The following MAPK8IP3 variants were observed in gnomAD, a reference collection of about 807,000 sequenced individuals.
MAPK8IP3 encodes the protein mitogen-activated protein kinase 8 interacting protein 3, also known as C-Jun-amino-terminal kinase-interacting protein 3.
A neutral mutation model predicts 157.8 loss-of-function variants in MAPK8IP3; 49 were observed. That is an observed-to-expected ratio of 0.31 (90% CI 0.25 to 0.39). MAPK8IP3 has a LOEUF of 0.39. MAPK8IP3 is among the 10% of genes least tolerant of loss of function. The pLI, the probability that MAPK8IP3 is intolerant of heterozygous loss-of-function variation, is 1.00. For missense variants in MAPK8IP3, 1,478 were observed against 1,889.4 expected, an observed-to-expected ratio of 0.78 and a Z score of 4.04; for synonymous variants, 897 against 777.7, an observed-to-expected ratio of 1.15 and a Z score of -2.55.
chr16:1,744,622 G>A (rs1412176953), intron 5 of MAPK8IP3: 7 of 985,472 alleles, frequency 7.1e-6, no homozygotes, highest in Non-Finnish European at 8.4e-6. Flanking sequence ...CCCGGGCCTG[G>A]AGCTGGGACC....
rs927142833 is a variant in MAPK8IP3, at chr16:1,742,053, A to G, written c.603-1279A>G. ...CTGAGGAAGCTCCCTTCCCTCCTAC[A>G]GTCTCAGGGCTGAGATGTAAGCAGC... is the stretch of plus-strand genomic sequence containing the variant. On this transcript the variant is annotated intron_variant, in intron 4 of 31. Transcript: ENST00000610761. The surrounding 1 kb of genome is among the most constrained non-coding windows in gnomAD (Gnocchi z 5.0). Among the ~76,000 whole-genome samples the G allele has an allele frequency of 3.3e-5, 5 of 152,080 alleles. No homozygotes were observed. The highest frequency in any genetic ancestry group is 1.2e-4 in the African/African-American group (5 of 41,392).
chr16:1,737,720 G>A (rs544330117), intron 4 of MAPK8IP3, among the ~76,000 whole-genome samples: 4 of 83,098 alleles, frequency 4.8e-5, no homozygotes, highest in East Asian at 4.9e-4. Context: ...CTGTGTGACC[G>A]TCCGTGTGAG....
chr16:1,753,929 T>C (rs916877237), intron 8 of MAPK8IP3, among the ~76,000 whole-genome samples: 1 of 151,464 alleles, frequency 6.6e-6, no homozygotes, highest in African/African-American at 2.4e-5. Context: ...ATCCCAGCAC[T>C]CTGGGAGGCC....
In MAPK8IP3 at chr16:1,766,289, C is replaced by T. The variant is rs769907593; in HGVS notation, c.2699C>T (p.Thr900Met). ...SQSTEEATEATEVPDPGPSEP... is the reference protein window; with the variant it reads ...SQSTEEATEAMEVPDPGPSEP... Reference sequence around the variant, plus strand: ...TCCACAGAGGAGGCCACAGAGGCCACGGAGGTGCCAGACCCTGGGCCCAGC... The same window carrying T: ...TCCACAGAGGAGGCCACAGAGGCCATGGAGGTGCCAGACCCTGGGCCCAGC... Residue 900 changes from threonine (T) to methionine (M), a missense_variant, in exon 22 of 32, where the codon ACG (threonine) becomes ATG (methionine). Physicochemically the swap from Thr to Met is moderately conservative, Grantham distance 81 (BLOSUM62 -1). This residue lies in a region of MAPK8IP3 where 669 missense variants were observed against 759.8 expected (regional missense o/e 0.88). Transcript: ENST00000610761. The T allele has an allele frequency of 6.2e-6, 10 of 1,612,556 alleles. No homozygotes were observed. The highest frequency in any genetic ancestry group is 1.6e-4 in the Middle Eastern group (1 of 6,084).
At chr16:1,750,156 T>A (rs1434307275) in intron 8 of MAPK8IP3, among the ~76,000 whole-genome samples, 2 of 152,196 alleles carry the variant, frequency 1.3e-5, no homozygotes, top group Non-Finnish European at 2.9e-5. Context: ...AGGGGTAATC[T>A]CTTTTAATAT....
intron 8 of MAPK8IP3, among the ~76,000 whole-genome samples, chr16:1,755,696 A>G (rs1267806246): frequency 6.6e-6 from 1 of 152,068 alleles, no homozygotes; most frequent in South Asian, 2.1e-4. Context: ...AAAATACAAA[A>G]ATTACCTGGG....
At chr16:1,721,989 T>G (rs981327888) in intron 1 of MAPK8IP3, among the ~76,000 whole-genome samples, 1 of 149,208 alleles carries the variant, frequency 6.7e-6, no homozygotes, top group Non-Finnish European at 1.5e-5. Flanking sequence ...CAGGAAGGTC[T>G]CCATCTCCTG....
chr16:1,740,964 C>T (rs1367572313), intron 4 of MAPK8IP3, among the ~76,000 whole-genome samples: 3 of 152,192 alleles, frequency 2.0e-5, no homozygotes, highest in Non-Finnish European at 4.4e-5. Context: ...ACTCTGCCCT[C>T]GCTCCACAAG....
chr16:1,767,978 G>C (rs572508862), intron 28 of MAPK8IP3, 60 bp downstream of exon 28: 45 of 1,606,618 alleles, frequency 2.8e-5, no homozygotes, highest in Non-Finnish European at 3.8e-5. Context: ...GTGGGTTCAC[G>C]GGGTGGCTCT....
At chr16:1,735,111 A>C (rs1463272111) in intron 4 of MAPK8IP3, 1 of 152,416 alleles carries the variant, frequency 6.6e-6, no homozygotes, top group Non-Finnish European at 1.5e-5. Flanking sequence ...TGTCAAAGCC[A>C]AGAGGGCTCG....
At chr16:1,735,220 C>T (rs1218773656) in intron 4 of MAPK8IP3, among the ~76,000 whole-genome samples, 1 of 152,198 alleles carries the variant, frequency 6.6e-6, no homozygotes, top group African/African-American at 2.4e-5. Context: ...TCCTGGCCGT[C>T]CGTGTGAGCG....
rs370199618 is a variant in MAPK8IP3 at position 1,764,321 on chromosome 16, C to T, written c.2142C>T (p.Val714=). The T allele has an allele frequency of 9.7e-5, 153 of 1,576,416 alleles. No individual in the cohort carries two copies. The African/African-American group carries it at 1.8e-3, about 19-fold the overall frequency. ...PTMKLWCAAG[V]NLSGWRPNED... Reference sequence around the variant, plus strand: ...TGCAGCTGTGGTGTGCCGCGGGCGTCAACCTGAGCGGGTGGAGGCCCAATG... The same window carrying T: ...TGCAGCTGTGGTGTGCCGCGGGCGTTAACCTGAGCGGGTGGAGGCCCAATG... Residue 714 remains valine, a synonymous_variant, in exon 19 of 32, where the codon GTC becomes GTT. Coordinates refer to ENST00000610761, the MANE Select transcript of MAPK8IP3 (RefSeq NM_001318852.2).
In MAPK8IP3 at chr16:1,724,513, C is replaced by T; in HGVS notation, c.319-44C>T. On this transcript the variant is annotated intron_variant, in intron 1 of 31. Transcript: ENST00000610761. This position sits in a 1 kb window ranked among gnomAD's most constrained non-coding sequence, Gnocchi z 4.1. ...CTTCAAGTGAAAGGCGGCTGCTCCA[C>T]ACTCACTCCTGATGACTGCTCTTTC... 6.3e-7 allele frequency: 1 copy of T among 1,599,566 alleles called. No homozygotes were observed. The highest frequency in any genetic ancestry group is 1.1e-5 in the South Asian group (1 of 90,590).
intron 1 of MAPK8IP3, among the ~76,000 whole-genome samples, chr16:1,711,675 C>T (rs1431933763): frequency 6.6e-6 from 1 of 152,192 alleles, no homozygotes; most frequent in Non-Finnish European, 1.5e-5. Flanking sequence ...GGCGCAGTGG[C>T]TCACGCCCGT....
Position 1,748,594 on chromosome 16 carries a change from C to A in MAPK8IP3, c.1098-8C>A. 6.2e-7 allele frequency: 1 copy of A among 1,608,798 alleles called. No individual in the cohort carries two copies. The highest frequency in any genetic ancestry group is 8.5e-7 in the Non-Finnish European group (1 of 1,175,304). On this transcript the variant is annotated splice_region_variant and splice_polypyrimidine_tract_variant and intron_variant, in intron 7 of 31. Transcript: ENST00000610761. ...CTGCTCTCTCTCCCGACCTGTGGAT[C>A]CCAACAGCCCAACCCAGGGCATCGT...
intron 4 of MAPK8IP3, among the ~76,000 whole-genome samples, chr16:1,737,267 CGTGTG>C (rs2040023360): frequency 1.3e-5 from 1 of 76,554 alleles, no homozygotes; most frequent in Non-Finnish European, 2.3e-5. Flanking sequence ...TCCGTGTGAG[CGTGTG>C]AGCGTCCGTG....
intron 4 of MAPK8IP3, among the ~76,000 whole-genome samples, chr16:1,737,073 C>T (rs541158145): frequency 5.6e-4 from 31 of 55,122 alleles, no homozygotes; most frequent in South Asian, 5.4e-3. Flanking sequence ...TCCGTGTGAG[C>T]GTGTGACCGT....
At chr16:1,744,852 A>G (rs1044517457) in intron 5 of MAPK8IP3, 129 of 969,526 alleles carry the variant, frequency 1.3e-4, no homozygotes, top group Non-Finnish European at 1.5e-4. Flanking sequence ...ATTTTTCTTT[A>G]TTTTAAATTA....
chr16:1,734,301 G>A (rs1367833558), intron 4 of MAPK8IP3, among the ~76,000 whole-genome samples: 1 of 152,244 alleles, frequency 6.6e-6, no homozygotes, highest in African/African-American at 2.4e-5. Context: ...CAGGGCTATG[G>A]CTGGGCTACC....
Sources: gnomAD v4.1 joint callset for allele counts (sites outside exome capture counted in the v4.1 genomes callset) on GRCh38, gnomAD v4.1.1 for gene constraint, gnomAD v4.1.1 regional missense constraint, Gnocchi (gnomAD v3.1) non-coding constraint, MANE v1.5 for transcripts, NCBI Gene and HGNC (gene_info 2026-07-23, HGNC 2026-07-21) for gene names.